The following SH2B3 variants were observed in gnomAD, a reference collection of about 807,000 sequenced individuals.
The protein encoded by SH2B3 is SH2B adaptor protein 3.
SH2B3 carries 43 observed loss-of-function variants against 51.9 expected under a neutral mutation model. That is an observed-to-expected ratio of 0.83 (90% confidence interval 0.65 to 1.07). The LOEUF (loss-of-function observed/expected upper bound fraction) is 1.07, where lower values mean the gene tolerates loss of function less well. Among genes scored for constraint, SH2B3 ranks in the 50% least tolerant of loss-of-function variants. The probability of loss-of-function intolerance (pLI) is 0.00; values close to 1 mark genes in which losing one functional copy is unlikely to be tolerated. For missense variants in SH2B3, 952 were observed against 834.3 expected, an observed-to-expected ratio of 1.14 and a Z score of -1.74; for synonymous variants, 396 against 376.0, an observed-to-expected ratio of 1.05 and a Z score of -0.62.
chr12:111,413,685 A>C (rs556430400), intron 1 of SH2B3, among the ~76,000 whole-genome samples: 1 of 152,338 alleles, frequency 6.6e-6, no homozygotes, highest in South Asian at 2.1e-4. Flanking sequence ...CCGGGAGAGC[A>C]AGAGTTTGCA....
rs748115006 is a variant in SH2B3, at chr12:111,448,239, C to T, written c.1665C>T (p.Tyr555=). The change falls in exon 8 of 8, where the codon TAC becomes TAT. Residue 555 remains tyrosine, a synonymous_variant. Coordinates refer to ENST00000341259, the MANE Select transcript of SH2B3 (RefSeq NM_005475.3). ...TGAATCGAGCCCGGGACTCGGACTACGAAATGGACTCATCCTCCCGGAGCC... is the reference window on the plus strand; with the variant it reads ...TGAATCGAGCCCGGGACTCGGACTATGAAATGGACTCATCCTCCCGGAGCC... ...EPVNRARDSD[Y]EMDSSSRSHL... 1.3e-5 allele frequency: 21 copies of T among 1,614,038 alleles called. No individual in the cohort carries two copies. The highest frequency in any genetic ancestry group is 3.3e-5 in the Admixed American group (2 of 59,998).
At position 111,451,593 on chromosome 12, in the gene SH2B3, T is replaced by C. The variant is rs1874598190; in HGVS notation, c.*3291T>C. On this transcript the variant is annotated 3_prime_UTR_variant, in exon 8 of 8. Transcript: ENST00000341259. ...TTTTGCTATAATGTACAAATTGCTA[T>C]ATGTGAATTAAAAAGTTTTCAGAAT... The C allele has an allele frequency of 1.3e-5, 2 of 152,798 alleles. No individual in the cohort carries two copies. The highest frequency in any genetic ancestry group is 2.9e-5 in the Non-Finnish European group (2 of 68,034). 9.5% of individuals were successfully genotyped at this position (152,798 alleles called of 1,614,324 possible).
At chr12:111,444,687 C>A in intron 2 of SH2B3, 1 of 979,008 alleles carries the variant, frequency 1.0e-6, no homozygotes, top group Non-Finnish European at 1.2e-6. Flanking sequence ...CCCTCTCACC[C>A]ATCCCCCCAT....
intron 2 of SH2B3, among the ~76,000 whole-genome samples, chr12:111,434,155 A>G (rs1872679151): frequency 6.6e-6 from 1 of 152,222 alleles, no homozygotes; most frequent in African/African-American, 2.4e-5. Flanking sequence ...CTCTTTGTTA[A>G]AAGTTGAGAT....
chr12:111,434,745 C>T, intron 2 of SH2B3: 1 of 1,415,080 alleles, frequency 7.1e-7, no homozygotes, highest in Non-Finnish European at 9.2e-7. Flanking sequence ...TTATTTAATC[C>T]AGCTGGCTTT....
intron 2 of SH2B3, among the ~76,000 whole-genome samples, chr12:111,445,454 C>T (rs976806030): frequency 2.0e-5 from 3 of 152,238 alleles, no homozygotes; most frequent in African/African-American, 7.2e-5. Flanking sequence ...CTCACTCTGC[C>T]TGCCTCATCC....
rs762505252 is a variant in SH2B3, at chr12:111,418,358, C to T, written c.213C>T (p.Phe71=). 6.6e-7 allele frequency: 1 copy of T among 1,521,554 alleles called. No individual in the cohort carries two copies. The highest frequency in any genetic ancestry group is 8.8e-7 in the Non-Finnish European group (1 of 1,140,326). The allele number at this position is 1,521,554 out of a possible 1,614,324, so 94.3% of individuals were successfully genotyped here. ...ELVSLQFTDL[F]QRYFCREVRD... ...TGTCGCTGCAGTTCACCGACCTCTT[C>T]CAGCGCTACTTCTGCCGCGAGGTGC... The change falls in exon 2 of 8, where the codon TTC becomes TTT. Residue 71 remains phenylalanine, a synonymous_variant. Coordinates refer to ENST00000341259, the MANE Select transcript of SH2B3 (RefSeq NM_005475.3). The surrounding 1 kb of genome is among the most constrained non-coding windows in gnomAD (Gnocchi z 6.7).
chr12:111,427,468 G>C (rs1444338225), intron 2 of SH2B3, among the ~76,000 whole-genome samples: 3 of 151,822 alleles, frequency 2.0e-5, no homozygotes, highest in Non-Finnish European at 4.4e-5. Flanking sequence ...TCCCAGCCTG[G>C]CCTGTGCTGC....
At chr12:111,434,634 T>C (rs1409332188) in intron 2 of SH2B3, 4 of 275,970 alleles carry the variant, frequency 1.4e-5, no homozygotes, top group African/African-American at 4.6e-5. Flanking sequence ...GTTTTATTCT[T>C]TGCTTTTTTA....
Position 111,406,806 on chromosome 12 carries a change from C to T in SH2B3, c.-28+529C>T, listed in dbSNP as rs1352097115. 1.3e-5 allele frequency among the ~76,000 whole-genome samples: 2 copies of T among 152,242 alleles called. No individual in the cohort carries two copies. Among genetic ancestry groups the T allele is most frequent in the Admixed American group, 6.5e-5 (1 of 15,288 alleles). On this transcript the variant is annotated intron_variant, in intron 1 of 7. Transcript: ENST00000341259. The surrounding 1 kb of genome is among the most constrained non-coding windows in gnomAD (Gnocchi z 5.7). The stretch of plus-strand genomic sequence containing the variant: ...AGGAAGCCCCTCTCCCCAGTTCCTG[C>T]ACTGCCGAGGTCGACCGGGCCAGGC...
At position 111,418,124 on chromosome 12, in the gene SH2B3, C is replaced by A. The variant is rs1241430876; in HGVS notation, c.-22C>A. On this transcript the variant is annotated 5_prime_UTR_variant, in exon 2 of 8. Transcript: ENST00000341259. This position sits in a 1 kb window ranked among gnomAD's most constrained non-coding sequence, Gnocchi z 6.7. ...CCCACCCACGTGTCTTTCAGCCCGG[C>A]CGCACCACCTGGGTCTCCGCCATGA... 1.4e-6 allele frequency: 2 copies of A among 1,478,238 alleles called. No homozygotes were observed. The highest frequency in any genetic ancestry group is 1.8e-6 in the Non-Finnish European group (2 of 1,126,478). 91.6% of individuals were successfully genotyped at this position (1,478,238 alleles called of 1,614,324 possible). A position where few individuals can be genotyped will look rare whatever the true frequency, so the allele number is the denominator to read the frequency against.
Position 111,418,873 on chromosome 12 carries a change from C to T in SH2B3, c.728C>T (p.Pro243Leu). Residue 243 changes from proline (P) to leucine (L), a missense_variant, in exon 2 of 8, where the codon CCC becomes CTC. Physicochemically the swap from Pro to Leu is moderately conservative, Grantham distance 98 (BLOSUM62 -3). Coordinates refer to ENST00000341259, the MANE Select transcript of SH2B3 (RefSeq NM_005475.3). The surrounding 1 kb of genome is among the most constrained non-coding windows in gnomAD (Gnocchi z 6.7). ...PDRVLELFDP[P>L]KSSRPKLQAA... is the part of the protein sequence containing the mutation. ...CGCGTGCTGGAGCTCTTCGACCCACCCAAGGTAAGTAAGCCCTGCCCGCGG... is the reference window on the plus strand; with the variant it reads ...CGCGTGCTGGAGCTCTTCGACCCACTCAAGGTAAGTAAGCCCTGCCCGCGG... 7.1e-7 allele frequency: 1 copy of T among 1,406,798 alleles called. No individual in the cohort carries two copies. The highest frequency in any genetic ancestry group is 1.5e-5 in the South Asian group (1 of 65,004). The allele number at this position is 1,406,798 out of a possible 1,614,324, so 87.1% of individuals were successfully genotyped here. A position where few individuals can be genotyped will look rare whatever the true frequency, so the allele number is the denominator to read the frequency against.
At chr12:111,424,950 G>A (rs1249906018) in intron 2 of SH2B3, among the ~76,000 whole-genome samples, 3 of 152,352 alleles carry the variant, frequency 2.0e-5, no homozygotes, top group South Asian at 2.1e-4. Context: ...CCCTGCAGGA[G>A]AGGGAGCAGA....
At position 111,447,837 on chromosome 12, in the gene SH2B3, T is replaced by C. The variant is rs376258823; in HGVS notation, c.1408+10T>C. On this transcript the variant is annotated intron_variant, in intron 7 of 7. Transcript: ENST00000341259. ...GTCTCCCAACCACCAGGTCTGACCCTACTGCCCTTTGCTGAAGGGGGTGGC... is the reference window on the plus strand; with the variant it reads ...GTCTCCCAACCACCAGGTCTGACCCCACTGCCCTTTGCTGAAGGGGGTGGC... The C allele has an allele frequency of 1.2e-6, 2 of 1,610,866 alleles. No individual in the cohort carries two copies. Among genetic ancestry groups the C allele is most frequent in the African/African-American group, 1.3e-5 (1 of 74,982 alleles).
Position 111,435,127 on chromosome 12 carries a change from G to GT in SH2B3, c.733-11620dup. The stretch of plus-strand genomic sequence containing the variant: ...TCCCCACCCGAGACGGGCGACAGAG[G>GT]TTTTTTGTTGTTTCTTAACCACATC... On this transcript the variant is annotated intron_variant, in intron 2 of 7. Transcript: ENST00000341259. This position sits in a 1 kb window ranked among gnomAD's most constrained non-coding sequence, Gnocchi z 4.8. 5.3e-6 allele frequency: 5 copies of GT among 939,762 alleles called. No homozygotes were observed. The highest frequency in any genetic ancestry group is 7.9e-6 in the Non-Finnish European group (5 of 635,108). 58.2% of individuals were successfully genotyped at this position (939,762 alleles called of 1,614,324 possible).
At chr12:111,434,861 G>A in intron 2 of SH2B3, 2 of 1,534,812 alleles carry the variant, frequency 1.3e-6, no homozygotes, top group South Asian at 1.2e-5. Flanking sequence ...GAGCTAAAAT[G>A]ATAGTAATGA....
Position 111,447,996 on chromosome 12 carries a change from G to T in SH2B3, c.1422G>T (p.Thr474=). 3.1e-6 allele frequency: 5 copies of T among 1,609,222 alleles called. No homozygotes were observed. The highest frequency in any genetic ancestry group is 4.2e-6 in the Non-Finnish European group (5 of 1,176,964). The change falls in exon 8 of 8, where the codon ACG becomes ACT. Residue 474 remains threonine, a synonymous_variant. Coordinates refer to ENST00000341259, the MANE Select transcript of SH2B3 (RefSeq NM_005475.3). ...CACTTGTCCTAGGTTCCTGCAACACGGTCCTCTTCCCTTTCTCCCTTCCTC... is the reference window on the plus strand; with the variant it reads ...CACTTGTCCTAGGTTCCTGCAACACTGTCCTCTTCCCTTTCTCCCTTCCTC... ...VVSQPPGSCN[T]VLFPFSLPHW...
intron 6 of SH2B3, 47 bp downstream of exon 6, chr12:111,447,591 C>A (rs757075052): frequency 1.9e-6 from 3 of 1,608,994 alleles, no homozygotes; most frequent in Admixed American, 1.7e-5. Context: ...ACCGTGCCAC[C>A]CCTCTCCACT....
At chr12:111,440,952 C>T (rs1156284683) in intron 2 of SH2B3, among the ~76,000 whole-genome samples, 2 of 152,210 alleles carry the variant, frequency 1.3e-5, no homozygotes, top group Non-Finnish European at 2.9e-5. Flanking sequence ...GTTGCACACA[C>T]TATGCTCATA....
Sources: gnomAD v4.1 joint callset for allele counts (sites outside exome capture counted in the v4.1 genomes callset) on GRCh38, gnomAD v4.1.1 for gene constraint, Gnocchi (gnomAD v3.1) non-coding constraint, MANE v1.5 for transcripts, NCBI Gene and HGNC (gene_info 2026-07-23, HGNC 2026-07-21) for gene names.